The following PLCXD3 variants were observed in gnomAD, a reference collection of about 807,000 sequenced individuals.
The protein encoded by PLCXD3 is phosphatidylinositol specific phospholipase C X domain containing 3.
In PLCXD3, 19 loss-of-function variants were observed where a neutral mutation model predicts 25.5. That is an observed-to-expected ratio of 0.75 (90% CI 0.52 to 1.09). The LOEUF is 1.09. Among genes scored for constraint, PLCXD3 ranks in the 50% least tolerant of loss-of-function variants. The probability of loss-of-function intolerance (pLI) is 0.00; values close to 1 mark genes in which losing one functional copy is unlikely to be tolerated. For missense variants in PLCXD3, 411 were observed against 388.1 expected, an observed-to-expected ratio of 1.06 and a Z score of -0.50; for synonymous variants, 174 against 137.6, an observed-to-expected ratio of 1.26 and a Z score of -1.85.
chr5:41,338,531 G>C (rs542556293), intron 2 of PLCXD3, among the ~76,000 whole-genome samples: 39 of 151,972 alleles, frequency 2.6e-4, no homozygotes, highest in Non-Finnish European at 5.1e-4. Context: ...AAATATTGCA[G>C]TTTCTTTTCA....
intron 1 of PLCXD3, among the ~76,000 whole-genome samples, chr5:41,497,721 A>G (rs976488480): frequency 2.6e-5 from 4 of 151,872 alleles, no homozygotes; most frequent in Admixed American, 2.0e-4. Flanking sequence ...ACAACAGCAG[A>G]ATACACATTC....
intron 2 of PLCXD3, among the ~76,000 whole-genome samples, chr5:41,378,011 A>G (rs565890828): frequency 3.9e-5 from 6 of 152,212 alleles, no homozygotes; most frequent in Non-Finnish European, 7.4e-5. Context: ...GTGCCATCAC[A>G]GGACTTTATG....
chr5:41,468,012 T>C (rs1218035685), intron 1 of PLCXD3, among the ~76,000 whole-genome samples: 2 of 6,538 alleles, frequency 3.1e-4, no homozygotes, highest in East Asian at 3.0e-3. Flanking sequence ...CTTTATTCTT[T>C]TTTTTTTTTT....
Position 41,382,051 on chromosome 5 carries a change from T to C in PLCXD3, c.587A>G (p.His196Arg). Residue 196 changes from histidine (H) to arginine (R), a missense_variant, in exon 2 of 3, where the codon CAT becomes CGT. Physicochemically the swap from His to Arg is conservative, Grantham distance 29 (BLOSUM62 0). Transcript: ENST00000377801. Reference sequence around the variant, plus strand: ...GGGCACTTCCAGAGCCACTGGACTATGGTAGAAGACCAGCACTTGATAGTC... The same window carrying C: ...GGGCACTTCCAGAGCCACTGGACTACGGTAGAAGACCAGCACTTGATAGTC... ...EKDYQVLVFY[H>R]SPVALEVPFL... The C allele has an allele frequency of 2.5e-6, 4 of 1,613,666 alleles. No homozygotes were observed. Among genetic ancestry groups the C allele is most frequent in the Non-Finnish European group, 3.4e-6 (4 of 1,179,764 alleles).
intron 2 of PLCXD3, among the ~76,000 whole-genome samples, chr5:41,325,799 C>G (rs1193028542): frequency 6.6e-6 from 1 of 152,100 alleles, no homozygotes; most frequent in Non-Finnish European, 1.5e-5. Context: ...ATACCATAAC[C>G]TGGGTAGTAT....
chr5:41,370,468 A>C (rs1207132043), intron 2 of PLCXD3, among the ~76,000 whole-genome samples: 1 of 152,238 alleles, frequency 6.6e-6, no homozygotes, highest in Non-Finnish European at 1.5e-5. Context: ...GTAAGTTAAA[A>C]GCTGATATCT....
intron 2 of PLCXD3, among the ~76,000 whole-genome samples, chr5:41,375,783 G>T (rs1745276876): frequency 6.6e-6 from 1 of 152,188 alleles, no homozygotes; most frequent in South Asian, 2.1e-4. Flanking sequence ...TGTATTAAAT[G>T]CAGCCAGTGC....
intron 2 of PLCXD3, among the ~76,000 whole-genome samples, chr5:41,356,133 G>A (rs1374661333): frequency 2.0e-5 from 3 of 152,096 alleles, no homozygotes; most frequent in Non-Finnish European, 4.4e-5. Flanking sequence ...AGGCGTGGTG[G>A]CAGGCGCCTG....
chr5:41,475,699 T>C (rs1319477137), intron 1 of PLCXD3: 1 of 534,684 alleles, frequency 1.9e-6, no homozygotes, highest in Non-Finnish European at 3.8e-6. Context: ...TTTGAGACCA[T>C]CACTACGACA....
chr5:41,342,412 G>A (rs1744177993), intron 2 of PLCXD3, among the ~76,000 whole-genome samples: 1 of 152,086 alleles, frequency 6.6e-6, no homozygotes, highest in South Asian at 2.1e-4. Flanking sequence ...TTCACCATCT[G>A]TCAATAATTA....
At chr5:41,344,623 G>T (rs975182440) in intron 2 of PLCXD3, among the ~76,000 whole-genome samples, 1 of 151,948 alleles carries the variant, frequency 6.6e-6, no homozygotes, top group East Asian at 1.9e-4. Context: ...ATCTATGACT[G>T]ACATCAGTTA....
intron 1 of PLCXD3, among the ~76,000 whole-genome samples, chr5:41,426,187 A>T (rs919351965): frequency 1.3e-5 from 2 of 150,752 alleles, no homozygotes; most frequent in African/African-American, 2.4e-5. Flanking sequence ...TTTAGTTTAC[A>T]TTTTTCTGAC....
At chr5:41,499,320 A>AT (rs1279027545) in intron 1 of PLCXD3, among the ~76,000 whole-genome samples, 1 of 151,780 alleles carries the variant, frequency 6.6e-6, no homozygotes, top group Non-Finnish European at 1.5e-5. Context: ...CAAAATCAAC[A>AT]TTAAAAATCA....
intron 1 of PLCXD3, among the ~76,000 whole-genome samples, chr5:41,492,519 C>T (rs1213306044): frequency 6.6e-6 from 1 of 152,312 alleles, no homozygotes; most frequent in African/African-American, 2.4e-5. Context: ...GGATAATATC[C>T]TGCAGAGTGT....
intron 1 of PLCXD3, among the ~76,000 whole-genome samples, chr5:41,410,298 C>T (rs563329165): frequency 6.6e-6 from 1 of 151,700 alleles, no homozygotes; most frequent in African/African-American, 2.4e-5. Flanking sequence ...CGCCCCCACG[C>T]CTGGCTAATT....
At chr5:41,498,015 C>T (rs1389644905) in intron 1 of PLCXD3, among the ~76,000 whole-genome samples, 1 of 151,182 alleles carries the variant, frequency 6.6e-6, no homozygotes, top group Non-Finnish European at 1.5e-5. Flanking sequence ...GAGATGAAAA[C>T]ACAACATTCC....
chr5:41,446,092 G>A (rs1281568164), intron 1 of PLCXD3, among the ~76,000 whole-genome samples: 1 of 146,392 alleles, frequency 6.8e-6, no homozygotes, highest in Non-Finnish European at 1.5e-5. Context: ...GGAGGCTGAG[G>A]CAGGAGAATG....
At chr5:41,374,826 G>C (rs1745238166) in intron 2 of PLCXD3, among the ~76,000 whole-genome samples, 1 of 152,070 alleles carries the variant, frequency 6.6e-6, no homozygotes, top group Non-Finnish European at 1.5e-5. Context: ...ACCTGTCTTG[G>C]GACATGGCCT....
chr5:41,463,295 G>C (rs1747936373), intron 1 of PLCXD3, among the ~76,000 whole-genome samples: 1 of 151,932 alleles, frequency 6.6e-6, no homozygotes, highest in African/African-American at 2.4e-5. Context: ...CAGCATGACT[G>C]GGTTCTGCTG....
Sources: allele counts gnomAD v4.1 joint callset (sites outside exome capture counted in the v4.1 genomes callset), GRCh38; gene constraint gnomAD v4.1.1; transcripts MANE v1.5; gene names NCBI Gene and HGNC (gene_info 2026-07-23, HGNC 2026-07-21).